The following RNF38 variants were observed in gnomAD, a reference collection of about 807,000 sequenced individuals.
The protein encoded by RNF38 is ring finger protein 38, also known as E3 ubiquitin-protein ligase RNF38.
Under a neutral mutation model 67.2 loss-of-function variants are expected in RNF38, and 15 were observed. The observed-to-expected ratio is 0.22, with a 90% CI of 0.15 to 0.34. The LOEUF (loss-of-function observed/expected upper bound fraction) is 0.34. Ranked by LOEUF, RNF38 falls within the 10% of genes least tolerant of loss-of-function variation. The pLI is 1.00. For missense variants in RNF38, 524 were observed against 639.9 expected (o/e 0.82, Z 1.95); for synonymous variants, 220 against 218.8 (o/e 1.01, Z -0.05).
At position 36,344,104 on chromosome 9, in the gene RNF38, C is replaced by A. The variant is rs149259780; in HGVS notation, c.1385+728G>T. Among the ~76,000 whole-genome samples the A allele has an allele frequency of 7.3e-3, 1,107 of 151,480 alleles. 16 individuals are homozygous for A. Among genetic ancestry groups the A allele is most frequent in the African/African-American group, 0.025 (1,039 of 41,208 alleles). ...TCTCGGCTCACTGCAACCTCCACCTCCTGGGCTCAAGCAATTCTCCCTGCC... is the reference window on the plus strand; with the variant it reads ...TCTCGGCTCACTGCAACCTCCACCTACTGGGCTCAAGCAATTCTCCCTGCC... On this transcript the variant is annotated intron_variant, in intron 10 of 11. Transcript: ENST00000259605.
At chr9:36,339,879 TG>T in intron 11 of RNF38, 65 bp from the exon 12 acceptor site, 1 of 1,266,998 alleles carries the variant, frequency 7.9e-7, no homozygotes, top group Non-Finnish European at 1.1e-6. Flanking sequence ...TTCAAAGCAA[TG>T]GAACTACTTT....
At chr9:36,342,586 G>GT (rs1247591332) in intron 10 of RNF38, among the ~76,000 whole-genome samples, 162 bp from the exon 11 acceptor site, 6 of 152,176 alleles carry the variant, frequency 3.9e-5, no homozygotes, top group African/African-American at 1.4e-4. Flanking sequence ...TGTTAAGGCA[G>GT]TAAGAGTTTT....
chr9:36,383,600 A>G (rs1836367722), intron 2 of RNF38, among the ~76,000 whole-genome samples: 1 of 152,184 alleles, frequency 6.6e-6, no homozygotes, highest in African/African-American at 2.4e-5. Context: ...CTTTCATTTG[A>G]TGTATAATTC....
At position 36,416,742 on chromosome 9, in the gene RNF38, A is replaced by ATTTTTTTT. The variant is rs386414907; in HGVS notation, n.312+7863_312+7870dup. ...GGCTCCTTCTTGCTGCTGCCTCGAT[A>ATTTTTTTT]TTTTTTTTTTTTTTTTTTTTTTTTT... is the stretch of plus-strand genomic sequence containing the variant. On this transcript the variant is annotated intron_variant and non_coding_transcript_variant, in intron 2 of 3. Transcript: ENST00000488058. Among the ~76,000 whole-genome samples, 278 of 63,492 alleles carry ATTTTTTTT rather than the reference A, an allele frequency of 4.4e-3. 51 individuals carry two copies. Among genetic ancestry groups the ATTTTTTTT allele is most frequent in the African/African-American group, 0.016 (242 of 15,364 alleles). The allele number at this position is 63,492 out of a possible 152,430, so 41.7% of individuals were successfully genotyped here.
chr9:36,432,538 C>G (rs1203246954), intron 1 of RNF38, among the ~76,000 whole-genome samples: 1 of 152,064 alleles, frequency 6.6e-6, no homozygotes, highest in African/African-American at 2.4e-5. Flanking sequence ...TGCCTGTAAT[C>G]CCAGCGCTTT....
chr9:36,397,768 T>C (rs1285771885), intron 1 of RNF38, among the ~76,000 whole-genome samples: 1 of 151,500 alleles, frequency 6.6e-6, no homozygotes, highest in Non-Finnish European at 1.5e-5. Context: ...AAGAGTTACA[T>C]ATTTTAAATA....
At chr9:36,373,893 G>C (rs1564019315) in intron 3 of RNF38, among the ~76,000 whole-genome samples, 1 of 151,670 alleles carries the variant, frequency 6.6e-6, no homozygotes, top group Non-Finnish European at 1.5e-5. Context: ...GTTTCACCAT[G>C]TTGGTCAGGC....
intron 1 of RNF38, among the ~76,000 whole-genome samples, chr9:36,462,138 T>TAA (rs1839747185): frequency 6.6e-6 from 1 of 152,212 alleles, no homozygotes; most frequent in African/African-American, 2.4e-5. Context: ...CAGTAAGATG[T>TAA]GGTCTGAATA....
At position 36,418,048 on chromosome 9, in the gene RNF38, A is replaced by ATT. The variant is rs35596314; in HGVS notation, n.312+6563_312+6564dup. ...TGTTTGTTTTTACAATCAATATGTG[A>ATT]TTTTTTTTTTTTTTTTGGAGACAGG... On this transcript the variant is annotated intron_variant and non_coding_transcript_variant, in intron 2 of 3. Transcript: ENST00000488058. Among the ~76,000 whole-genome samples the ATT allele has an allele frequency of 1.1e-3, 152 of 141,352 alleles. 3 individuals carry two copies. In the East Asian group the frequency reaches 0.015, roughly 14 times the overall value. 92.7% of individuals were successfully genotyped at this position (141,352 alleles called of 152,430 possible). A position where few individuals can be genotyped will look rare whatever the true frequency, so the allele number is the denominator to read the frequency against.
At chr9:36,374,554 A>G (rs1443505883) in intron 3 of RNF38, among the ~76,000 whole-genome samples, 1 of 152,054 alleles carries the variant, frequency 6.6e-6, no homozygotes, top group Non-Finnish European at 1.5e-5. Flanking sequence ...GGCTCACTGC[A>G]ACCTCCGCCT....
In RNF38 at chr9:36,337,683, G is replaced by A. The variant is rs1020591531; in HGVS notation, c.*2069C>T. On this transcript the variant is annotated 3_prime_UTR_variant, in exon 12 of 12. Transcript: ENST00000259605. ...CATTAAAAAAGATTAAACTATATGT[G>A]ATTTGTATGTAGCTGATTATTATGC... 1 of 152,434 alleles carries A rather than the reference G, an allele frequency of 6.6e-6. No individual in the cohort carries two copies. The highest frequency in any genetic ancestry group is 2.4e-5 in the African/African-American group (1 of 41,386). 9.4% of individuals were successfully genotyped at this position (152,434 alleles called of 1,614,324 possible). A position where few individuals can be genotyped will look rare whatever the true frequency, so the allele number is the denominator to read the frequency against.
chr9:36,387,734 G>A (rs1013544997), intron 2 of RNF38, among the ~76,000 whole-genome samples: 4 of 152,100 alleles, frequency 2.6e-5, no homozygotes, highest in African/African-American at 9.7e-5. Flanking sequence ...ATGCAAATGA[G>A]CCTACACTTA....
chr9:36,458,225 C>G (rs564905656), intron 1 of RNF38, among the ~76,000 whole-genome samples: 28 of 152,122 alleles, frequency 1.8e-4, no homozygotes, highest in Non-Finnish European at 3.7e-4. Flanking sequence ...GTAAATGCAC[C>G]AATCAGCGCT....
chr9:36,453,609 C>T (rs557796787), intron 1 of RNF38, among the ~76,000 whole-genome samples: 1 of 152,228 alleles, frequency 6.6e-6, no homozygotes, highest in East Asian at 1.9e-4. Flanking sequence ...GTCTTGAACT[C>T]TTGACCCCAA....
intron 4 of RNF38, among the ~76,000 whole-genome samples, chr9:36,361,836 T>G (rs911505943): frequency 6.6e-6 from 1 of 152,178 alleles, no homozygotes; most frequent in Admixed American, 6.5e-5. Flanking sequence ...TGTCTACTTT[T>G]GACTCCTGCT....
chr9:36,426,760 G>T (rs1301140146), intron 1 of RNF38, among the ~76,000 whole-genome samples: 1 of 152,190 alleles, frequency 6.6e-6, no homozygotes, highest in Non-Finnish European at 1.5e-5. Context: ...TGAGTAGAAT[G>T]ACTTTGGAGT....
intron 1 of RNF38, among the ~76,000 whole-genome samples, chr9:36,428,606 G>T (rs913552071): frequency 5.3e-5 from 8 of 151,970 alleles, no homozygotes; most frequent in African/African-American, 1.9e-4. Flanking sequence ...TACTTAAAAA[G>T]TTTACTTAAT....
chr9:36,465,469 C>A (rs1839838219), intron 1 of RNF38, among the ~76,000 whole-genome samples: 1 of 152,178 alleles, frequency 6.6e-6, no homozygotes, highest in African/African-American at 2.4e-5. Flanking sequence ...GCCTTAGCCT[C>A]CCGACTAACT....
intron 1 of RNF38, 45 bp downstream of exon 1, chr9:36,400,052 A>C: frequency 6.3e-7 from 1 of 1,578,684 alleles, no homozygotes; most frequent in South Asian, 1.1e-5. Context: ...CTTTTACTGA[A>C]TAATAGCATA....
Sources: gnomAD v4.1 joint callset for allele counts (sites outside exome capture counted in the v4.1 genomes callset) on GRCh38, gnomAD v4.1.1 for gene constraint, MANE v1.5 for transcripts, NCBI Gene and HGNC (gene_info 2026-07-23, HGNC 2026-07-21) for gene names.